FOXN3: variants seen among roughly 807,000 people sequenced by gnomAD.
The protein encoded by FOXN3 is forkhead box protein N3.
Under a neutral mutation model 38.4 loss-of-function variants are expected in FOXN3, and 7 were observed. That is an observed-to-expected ratio of 0.18 (90% CI 0.10 to 0.34). The LOEUF (loss-of-function observed/expected upper bound fraction) is 0.34, where lower values mean the gene tolerates loss of function less well. Ranked by LOEUF, FOXN3 falls within the 10% of genes least tolerant of loss-of-function variation. The pLI is 1.00. For synonymous variants in FOXN3, 230 were observed against 242.2 expected (o/e 0.95, Z 0.47); for missense variants, 456 against 613.4 (o/e 0.74, Z 2.71).
chr14:89,213,122 C>T (rs1324584990), intron 4 of FOXN3, among the ~76,000 whole-genome samples: 1 of 152,122 alleles, frequency 6.6e-6, no homozygotes, highest in Non-Finnish European at 1.5e-5. Context: ...AGGGAAGTGT[C>T]AGAGCAGATG....
intron 3 of FOXN3, among the ~76,000 whole-genome samples, chr14:89,338,207 C>A (rs1432725702): frequency 1.4e-4 from 22 of 152,164 alleles, no homozygotes; most frequent in Admixed American, 1.4e-3. Flanking sequence ...CCTCCCCCTC[C>A]AAACATCTGG....
At chr14:89,563,682 G>A (rs138662599) in intron 1 of FOXN3, among the ~76,000 whole-genome samples, 130 of 152,290 alleles carry the variant, frequency 8.5e-4, no homozygotes, top group African/African-American at 3.0e-3. Context: ...GCAAAGTATG[G>A]AAGGGGCAGG....
chr14:89,464,939 G>A (rs980051078), intron 1 of FOXN3, among the ~76,000 whole-genome samples: 10 of 151,970 alleles, frequency 6.6e-5, no homozygotes, highest in East Asian at 1.9e-4. Flanking sequence ...CTCGTGATAC[G>A]CCCACCTTGG....
intron 4 of FOXN3, among the ~76,000 whole-genome samples, chr14:89,209,427 G>A (rs999526362): frequency 5.3e-5 from 8 of 152,184 alleles, no homozygotes; most frequent in East Asian, 1.9e-4. Flanking sequence ...ATTCCTTCCC[G>A]GCTGAAAGGA....
chr14:89,212,144 C>G (rs1184337820), intron 4 of FOXN3, among the ~76,000 whole-genome samples: 3 of 152,202 alleles, frequency 2.0e-5, no homozygotes, highest in Non-Finnish European at 2.9e-5. Context: ...GCCTCCAGAA[C>G]TGTGAGACAA....
At chr14:89,347,839 C>G (rs1888811076) in intron 3 of FOXN3, among the ~76,000 whole-genome samples, 1 of 152,106 alleles carries the variant, frequency 6.6e-6, no homozygotes, top group Non-Finnish European at 1.5e-5. Context: ...GTAGTCCCAG[C>G]TACTCTCAGG....
chr14:89,508,061 G>T (rs1037168642), intron 1 of FOXN3, among the ~76,000 whole-genome samples: 1 of 152,198 alleles, frequency 6.6e-6, no homozygotes, highest in African/African-American at 2.4e-5. Flanking sequence ...TTTGTTTTGG[G>T]AGGGTGGGCC....
rs181116606 is a variant in FOXN3, at chr14:89,575,489, T to G, written c.-15+43539A>C. ...CCCTGCTTTTACCAAAGGCAGGTCC[T>G]CTCCAATGCTGGTGAATTCTCTGCA... On this transcript the variant is annotated intron_variant, in intron 1 of 6. Transcript: ENST00000345097. 1.4e-3 allele frequency among the ~76,000 whole-genome samples: 219 copies of G among 152,260 alleles called. 1 individual carries two copies. Among genetic ancestry groups the G allele is most frequent in the African/African-American group, 4.9e-3 (203 of 41,544 alleles).
chr14:89,199,037 C>T (rs1258133084), intron 4 of FOXN3, among the ~76,000 whole-genome samples: 5 of 152,226 alleles, frequency 3.3e-5, no homozygotes, highest in Admixed American at 1.3e-4. Flanking sequence ...CTGTTGCAAT[C>T]AATCAAGATA....
At chr14:89,182,977 T>C (rs1887711993) in intron 4 of FOXN3, among the ~76,000 whole-genome samples, 1 of 152,192 alleles carries the variant, frequency 6.6e-6, no homozygotes, top group African/African-American at 2.4e-5. Flanking sequence ...ATCATACACC[T>C]AAATGTAGGA....
At chr14:89,374,311 AAAAG>A (rs150901417) in intron 2 of FOXN3, among the ~76,000 whole-genome samples, 2,906 of 150,554 alleles carry the variant, frequency 0.019, 108 homozygotes, top group African/African-American at 0.067. Context: ...AAGGAAAAGA[AAAAG>A]AAAAAGAGAA....
rs150185695 is a variant in FOXN3 at position 89,549,051 on chromosome 14, G to A, written c.-15+69977C>T. 5.1e-3 allele frequency among the ~76,000 whole-genome samples: 779 copies of A among 151,822 alleles called. 6 individuals carry two copies. Among genetic ancestry groups the A allele is most frequent in the African/African-American group, 0.017 (717 of 41,344 alleles). ...GGAGAATTGCTTGAACCTGGGAGGC[G>A]GAGGTTGTAGTGAGCTGAGATCATG... is the stretch of plus-strand genomic sequence containing the variant. On this transcript the variant is annotated intron_variant, in intron 1 of 6. Transcript: ENST00000345097.
intron 1 of FOXN3, among the ~76,000 whole-genome samples, chr14:89,515,076 C>T (rs948996175): frequency 5.9e-5 from 9 of 152,054 alleles, no homozygotes; most frequent in Non-Finnish European, 1.0e-4. Flanking sequence ...CCCGCCACCA[C>T]GTCCAGCTAC....
At chr14:89,616,087 A>G (rs375080218) in intron 1 of FOXN3, among the ~76,000 whole-genome samples, 18 of 152,264 alleles carry the variant, frequency 1.2e-4, no homozygotes, top group African/African-American at 4.1e-4. Context: ...TAACAAGATT[A>G]GAAAAATATA....
chr14:89,207,457 G>A (rs1459247719), intron 4 of FOXN3, among the ~76,000 whole-genome samples: 1 of 152,140 alleles, frequency 6.6e-6, no homozygotes, highest in African/African-American at 2.4e-5. Context: ...ATAGTTGTAT[G>A]TTTAAGAATC....
At chr14:89,350,875 G>A in intron 2 of FOXN3, 67 bp from the exon 3 acceptor site, 1 of 1,167,478 alleles carries the variant, frequency 8.6e-7, no homozygotes, top group African/African-American at 1.6e-5. Context: ...ATAAGTAGAT[G>A]TATAGCTATT....
intron 1 of FOXN3, among the ~76,000 whole-genome samples, chr14:89,500,386 G>C (rs1893770934): frequency 1.3e-5 from 2 of 152,190 alleles, no homozygotes; most frequent in Admixed American, 1.3e-4. Context: ...AACTCTTAAT[G>C]CAAGGAGAGA....
chr14:89,508,511 GA>G (rs1242860715), intron 1 of FOXN3, among the ~76,000 whole-genome samples: 15 of 152,216 alleles, frequency 9.9e-5, no homozygotes, highest in African/African-American at 3.6e-4. Context: ...AAGCGGTGTT[GA>G]AAGTGGCACT....
In FOXN3 at chr14:89,406,275, C is replaced by T. The variant is rs1406575102; in HGVS notation, c.543+5659G>A. ...CAAAAAAAAAAAATCTTGAAATTAG[C>T]TGGATGTGGTGGCATGCACCTGTAT... On this transcript the variant is annotated intron_variant, in intron 2 of 5. Transcript: ENST00000557258. Among the ~76,000 whole-genome samples the T allele has an allele frequency of 2.0e-5, 3 of 151,976 alleles. No homozygotes were observed. The East Asian group carries it at 5.8e-4, about 29-fold the overall frequency.
Sources: allele counts gnomAD v4.1 joint callset (sites outside exome capture counted in the v4.1 genomes callset), GRCh38; gene constraint gnomAD v4.1.1; transcripts MANE v1.5; gene names NCBI Gene and HGNC (gene_info 2026-07-23, HGNC 2026-07-21).